The following PRMT3 variants were observed in gnomAD, a reference collection of about 807,000 sequenced individuals.
The protein encoded by PRMT3 is protein arginine methyltransferase 3, also known as protein arginine N-methyltransferase 3.
In PRMT3, 62 loss-of-function variants were observed where a neutral mutation model predicts 71.9. The observed-to-expected ratio is 0.86, with a 90% CI of 0.70 to 1.07. The LOEUF is 1.07. Ranked by LOEUF, PRMT3 falls within the 50% of genes least tolerant of loss-of-function variation. The pLI, the probability that PRMT3 is intolerant of heterozygous loss-of-function variation, is 0.00. For missense variants in PRMT3, 663 were observed against 643.0 expected, an observed-to-expected ratio of 1.03 and a Z score of -0.34; for synonymous variants, 213 against 220.4, an observed-to-expected ratio of 0.97 and a Z score of 0.30.
chr11:20,424,834 A>C (rs2133349442), intron 9 of PRMT3, among the ~76,000 whole-genome samples: 1 of 152,320 alleles, frequency 6.6e-6, no homozygotes, highest in East Asian at 1.9e-4. Context: ...ATAAGAATAC[A>C]ACTGGGCTAA....
At position 20,508,635 on chromosome 11, in the gene PRMT3, C is replaced by T. The variant is rs557033034; in HGVS notation, c.*222C>T. On this transcript the variant is annotated 3_prime_UTR_variant, in exon 16 of 16. Transcript: ENST00000331079. Reference sequence around the variant, plus strand: ...TCTGCCACGTAATCATTTTCTTAGACGTTTGCTCCACCAGATTTAACCAAA... The same window carrying T: ...TCTGCCACGTAATCATTTTCTTAGATGTTTGCTCCACCAGATTTAACCAAA... The T allele has an allele frequency of 4.6e-6, 3 of 647,820 alleles. No homozygotes were observed. The highest frequency in any genetic ancestry group is 8.6e-6 in the Non-Finnish European group (3 of 350,402). The allele number at this position is 647,820 out of a possible 1,614,324, so 40.1% of individuals were successfully genotyped here. A position where few individuals can be genotyped will look rare whatever the true frequency, so the allele number is the denominator to read the frequency against.
chr11:20,389,533 T>C (rs538528160), intron 2 of PRMT3, among the ~76,000 whole-genome samples: 11 of 152,310 alleles, frequency 7.2e-5, no homozygotes, highest in African/African-American at 1.9e-4. Context: ...TAATTGGTTT[T>C]AGGTATAAAA....
chr11:20,503,751 T>C (rs1851512847), intron 15 of PRMT3, among the ~76,000 whole-genome samples: 1 of 152,178 alleles, frequency 6.6e-6, no homozygotes, highest in Admixed American at 6.5e-5. Flanking sequence ...TGTATTGCTT[T>C]CAGTTAGGGG....
intron 13 of PRMT3, among the ~76,000 whole-genome samples, chr11:20,479,996 C>T (rs988956445): frequency 1.3e-5 from 2 of 152,098 alleles, no homozygotes; most frequent in African/African-American, 4.8e-5. Context: ...GGCAATATAG[C>T]ACAACATGGA....
chr11:20,507,238 A>C (rs1851612222), intron 15 of PRMT3, among the ~76,000 whole-genome samples: 1 of 152,186 alleles, frequency 6.6e-6, no homozygotes, highest in African/African-American at 2.4e-5. Context: ...GCTCACCTCC[A>C]GCACACTTTA....
At chr11:20,471,265 G>T (rs1850638504) in intron 13 of PRMT3, among the ~76,000 whole-genome samples, 1 of 151,820 alleles carries the variant, frequency 6.6e-6, no homozygotes, top group Admixed American at 6.6e-5. Context: ...AGTGCTTTTG[G>T]CATTTTTGTC....
Position 20,392,885 on chromosome 11 carries a change from T to C in PRMT3, c.298-12T>C. 6.7e-7 allele frequency: 1 copy of C among 1,503,380 alleles called. No homozygotes were observed. Among genetic ancestry groups the C allele is most frequent in the Non-Finnish European group, 9.2e-7 (1 of 1,090,564 alleles). 93.1% of individuals were successfully genotyped at this position (1,503,380 alleles called of 1,614,324 possible). Reference sequence around the variant, plus strand: ...TGTAATGAAAAAAACATGAGATTAATTTTATATCCAGAATCCTACAGTTGA... The same window carrying C: ...TGTAATGAAAAAAACATGAGATTAACTTTATATCCAGAATCCTACAGTTGA... On this transcript the variant is annotated splice_polypyrimidine_tract_variant and intron_variant, in intron 4 of 15. Transcript: ENST00000331079.
chr11:20,409,209 A>C (rs1849138951), intron 9 of PRMT3, among the ~76,000 whole-genome samples: 2 of 152,204 alleles, frequency 1.3e-5, no homozygotes, highest in Non-Finnish European at 2.9e-5. Flanking sequence ...TATAACTAGA[A>C]GGATAGTGTT....
intron 4 of PRMT3, among the ~76,000 whole-genome samples, chr11:20,392,487 G>A (rs758153762): frequency 6.6e-6 from 1 of 152,064 alleles, no homozygotes; most frequent in Non-Finnish European, 1.5e-5. Context: ...ATGAATCGGT[G>A]TATGTGAAAA....
chr11:20,496,077 G>A (rs1231895629), intron 15 of PRMT3, among the ~76,000 whole-genome samples: 1 of 152,114 alleles, frequency 6.6e-6, no homozygotes, highest in Non-Finnish European at 1.5e-5. Context: ...TTTTTCCTAG[G>A]CATGTATTCT....
chr11:20,395,770 T>C (rs1258039976), intron 5 of PRMT3, 33 bp from the exon 6 acceptor site: 3 of 1,590,774 alleles, frequency 1.9e-6, no homozygotes, highest in Non-Finnish European at 2.6e-6. Context: ...TGTTATAAGA[T>C]GGCCTGATAA....
chr11:20,447,177 G>C (rs942809311), intron 10 of PRMT3, among the ~76,000 whole-genome samples: 1 of 151,828 alleles, frequency 6.6e-6, no homozygotes, highest in Non-Finnish European at 1.5e-5. Context: ...TTTAAGCAGA[G>C]AACACAGTAG....
chr11:20,404,019 T>C (rs1034057287), intron 8 of PRMT3, among the ~76,000 whole-genome samples: 4 of 152,100 alleles, frequency 2.6e-5, no homozygotes, highest in East Asian at 1.9e-4. Flanking sequence ...TGGACAGATA[T>C]ACTGTAATTT....
intron 9 of PRMT3, among the ~76,000 whole-genome samples, chr11:20,416,080 G>A (rs1297523345): frequency 2.6e-5 from 4 of 152,206 alleles, no homozygotes; most frequent in Admixed American, 1.3e-4. Flanking sequence ...TGTTTCTCAT[G>A]TCTTACTTTA....
chr11:20,499,154 T>C (rs570038563), intron 15 of PRMT3, among the ~76,000 whole-genome samples: 1 of 152,388 alleles, frequency 6.6e-6, no homozygotes, highest in East Asian at 1.9e-4. Flanking sequence ...AAATTAATGA[T>C]AAAATAGAAA....
In PRMT3 at chr11:20,388,054, C is replaced by T; in HGVS notation, c.64C>T (p.Pro22Ser). The T allele has an allele frequency of 6.2e-7, 1 of 1,613,986 alleles. No individual in the cohort carries two copies. The highest frequency in any genetic ancestry group is 8.5e-7 in the Non-Finnish European group (1 of 1,179,968). Residue 22 changes from proline to serine, a missense_variant, in exon 2 of 16, where the codon CCA becomes TCA. By Grantham distance (74) the Pro-to-Ser change is moderately conservative (BLOSUM62 -1). Transcript: ENST00000331079. ...RGAVENEEDL[P>S]ELSDSGDEAA... is the part of the protein sequence containing the mutation. ...CGCTGTGGAGAATGAGGAGGACCTGCCAGAACTGTCGGACAGCGGGGACGA... is the reference window on the plus strand; with the variant it reads ...CGCTGTGGAGAATGAGGAGGACCTGTCAGAACTGTCGGACAGCGGGGACGA...
At chr11:20,480,806 C>T (rs1332548375) in intron 13 of PRMT3, among the ~76,000 whole-genome samples, 1 of 152,054 alleles carries the variant, frequency 6.6e-6, no homozygotes, top group Non-Finnish European at 1.5e-5. Flanking sequence ...ATGATGACTC[C>T]AAGGTTTCTT....
At chr11:20,501,174 G>T (rs1001696435) in intron 15 of PRMT3, among the ~76,000 whole-genome samples, 1 of 152,040 alleles carries the variant, frequency 6.6e-6, no homozygotes, top group Non-Finnish European at 1.5e-5. Flanking sequence ...AGAGCTAATT[G>T]TTCCCTTTCT....
At chr11:20,414,827 A>C (rs1849267141) in intron 9 of PRMT3, among the ~76,000 whole-genome samples, 1 of 152,138 alleles carries the variant, frequency 6.6e-6, no homozygotes, top group Non-Finnish European at 1.5e-5. Flanking sequence ...AGTCTAGAGA[A>C]TATTTTGATT....
Sources: allele counts gnomAD v4.1 joint callset (sites outside exome capture counted in the v4.1 genomes callset), GRCh38; gene constraint gnomAD v4.1.1; transcripts MANE v1.5; gene names NCBI Gene and HGNC (gene_info 2026-07-23, HGNC 2026-07-21).